The following STK31 variants were observed in gnomAD, a reference collection of about 807,000 sequenced individuals.
STK31 encodes serine/threonine kinase 31.
Under a neutral mutation model 129.7 loss-of-function variants are expected in STK31, and 89 were observed. The observed-to-expected ratio is 0.69, with a 90% CI of 0.58 to 0.82. STK31 has a LOEUF of 0.82. STK31 is among the 40% of genes least tolerant of loss of function. The pLI, the probability that STK31 is intolerant of heterozygous loss-of-function variation, is 0.00. For missense variants in STK31, 1,187 were observed against 1,176.4 expected, an observed-to-expected ratio of 1.01 and a Z score of -0.13; for synonymous variants, 448 against 395.3, an observed-to-expected ratio of 1.13 and a Z score of -1.58.
chr7:23,774,255 T>C (rs1204764347), intron 15 of STK31, among the ~76,000 whole-genome samples: 1 of 152,206 alleles, frequency 6.6e-6, no homozygotes, highest in Non-Finnish European at 1.5e-5. Context: ...TGTGCATGTG[T>C]CTTTATAGTA....
At chr7:23,749,530 TTG>T (rs1562569965) in intron 8 of STK31, among the ~76,000 whole-genome samples, 43 of 147,016 alleles carry the variant, frequency 2.9e-4, no homozygotes, top group Non-Finnish European at 3.6e-4. Flanking sequence ...TTTTTTTTTT[TTG>T]GGGGTAGAGA....
chr7:23,806,782 C>T (rs1265143355), intron 22 of STK31, among the ~76,000 whole-genome samples: 1 of 151,888 alleles, frequency 6.6e-6, no homozygotes, highest in East Asian at 1.9e-4. Context: ...CACCTGTAGT[C>T]CCAGCTACTG....
intron 6 of STK31, among the ~76,000 whole-genome samples, chr7:23,730,659 A>G (rs1030607940): frequency 2.0e-5 from 3 of 151,736 alleles, no homozygotes; most frequent in Non-Finnish European, 2.9e-5. Flanking sequence ...TAACTAGGGA[A>G]GAGCTAGGCC....
intron 8 of STK31, among the ~76,000 whole-genome samples, chr7:23,749,710 A>G (rs1788579894): frequency 6.6e-6 from 1 of 152,008 alleles, no homozygotes; most frequent in African/African-American, 2.4e-5. Flanking sequence ...ATTGGTTTAA[A>G]TATGTCTTTA....
intron 14 of STK31, 122 bp from the exon 15 acceptor site, chr7:23,772,025 T>C: frequency 1.6e-6 from 1 of 606,190 alleles, no homozygotes; most frequent in Non-Finnish European, 2.6e-6. Flanking sequence ...ATAGATTTTC[T>C]TGGTATTTCA....
At chr7:23,710,179 T>G, upstream of STK31, 1 of 1,580,878 alleles carries the variant, frequency 6.3e-7, no homozygotes, top group Admixed American at 1.8e-5. Context: ...CACCGGATGA[T>G]GGCGCAGCGC....
chr7:23,755,313 T>C (rs1789000207), intron 10 of STK31: 1 of 152,256 alleles, frequency 6.6e-6, no homozygotes, highest in African/African-American at 2.4e-5. Flanking sequence ...GAAGTGCCTC[T>C]TCATATCCTT....
At chr7:23,791,569 A>C (rs1419394493) in intron 22 of STK31, among the ~76,000 whole-genome samples, 1 of 152,178 alleles carries the variant, frequency 6.6e-6, no homozygotes, top group African/African-American at 2.4e-5. Context: ...CCCATGACAC[A>C]CTGTTTACCC....
In STK31 at chr7:23,731,301, G is replaced by A. The variant is rs528022205; in HGVS notation, c.483+2052G>A. Reference sequence around the variant, plus strand: ...TTGAATAGCTCTGCTTAGAAAGTCCGTGTTTAGTTATTAATTCTCAGCCCA... The same window carrying A: ...TTGAATAGCTCTGCTTAGAAAGTCCATGTTTAGTTATTAATTCTCAGCCCA... On this transcript the variant is annotated intron_variant, in intron 6 of 23. Coordinates refer to ENST00000355870, the MANE Select transcript of STK31 (RefSeq NM_031414.5). 8.5e-5 allele frequency among the ~76,000 whole-genome samples: 13 copies of A among 152,250 alleles called. No individual in the cohort carries two copies. In the East Asian group the frequency reaches 1.7e-3, roughly 20 times the overall value.
chr7:23,788,071 T>C lies in STK31; in HGVS notation c.2579T>C (p.Val860Ala). 6.2e-7 allele frequency: 1 copy of C among 1,613,344 alleles called. No homozygotes were observed. The highest frequency in any genetic ancestry group is 1.3e-5 in the African/African-American group (1 of 75,008). ...IIHGSLHQNNVFALNREQGIV... is the reference protein window; with the variant it reads ...IIHGSLHQNNAFALNREQGIV... ...CATGGATCACTTCATCAGAACAATG[T>C]ATTTGCTTTAAACCGTGAACAAGGA... Residue 860 changes from valine (V) to alanine (A), a missense_variant, in exon 21 of 24, where the codon GTA becomes GCA. Val to Ala is a moderately conservative substitution (Grantham distance 64). This residue lies in a region of STK31 where 975 missense variants were observed against 934.9 expected (regional missense o/e 1.04). Transcript: ENST00000355870.
At chr7:23,782,590 T>A (rs569172429) in intron 16 of STK31, among the ~76,000 whole-genome samples, 7 of 152,262 alleles carry the variant, frequency 4.6e-5, no homozygotes, top group Admixed American at 3.9e-4. Flanking sequence ...AAATACCTTA[T>A]GGACCTTGGG....
At chr7:23,731,577 C>T (rs936486889) in intron 6 of STK31, among the ~76,000 whole-genome samples, 1 of 152,204 alleles carries the variant, frequency 6.6e-6, no homozygotes, top group Admixed American at 6.5e-5. Flanking sequence ...TCAGTAACAA[C>T]ACAAATACCT....
intron 10 of STK31, among the ~76,000 whole-genome samples, chr7:23,759,832 C>T (rs1238575509): frequency 3.9e-5 from 6 of 152,184 alleles, no homozygotes; most frequent in Admixed American, 6.5e-5. Flanking sequence ...CTAAACATGC[C>T]CCTTGAGGGA....
At chr7:23,829,668 C>G (rs1794424429) in intron 23 of STK31, among the ~76,000 whole-genome samples, 1 of 152,134 alleles carries the variant, frequency 6.6e-6, no homozygotes, top group South Asian at 2.1e-4. Context: ...AGGGAGAATT[C>G]TCGCCTCTTG....
Position 23,735,807 on chromosome 7 carries a change from C to T in STK31, c.753C>T (p.Thr251=). The change falls in exon 7 of 24, where the codon ACC becomes ACT. Residue 251 remains threonine (T), a synonymous_variant. Coordinates refer to ENST00000355870, the MANE Select transcript of STK31 (RefSeq NM_031414.5). ...PLWGHRSNQS[T]FSRPKGHLSE... ...GGGGGCATAGATCAAACCAGTCAACCTTCAGCAGGCCCAAGGGGCACTTAA... is the reference window on the plus strand; with the variant it reads ...GGGGGCATAGATCAAACCAGTCAACTTTCAGCAGGCCCAAGGGGCACTTAA... The T allele has an allele frequency of 6.2e-7, 1 of 1,614,116 alleles. No individual in the cohort carries two copies. Among genetic ancestry groups the T allele is most frequent in the African/African-American group, 1.3e-5 (1 of 75,038 alleles).
At position 23,762,939 on chromosome 7, in the gene STK31, A is replaced by T; in HGVS notation, c.1416+16A>T. On this transcript the variant is annotated intron_variant, in intron 11 of 23. Coordinates refer to ENST00000355870, the MANE Select transcript of STK31 (RefSeq NM_031414.5). ...AACATTGCAGGTTGGAATTAAAAAT[A>T]TATTAAATATACGTTAAATTGTAAG... 6.5e-7 allele frequency: 1 copy of T among 1,528,868 alleles called. No individual in the cohort carries two copies. The highest frequency in any genetic ancestry group is 8.8e-7 in the Non-Finnish European group (1 of 1,138,074). The allele number at this position is 1,528,868 out of a possible 1,614,324, so 94.7% of individuals were successfully genotyped here.
At chr7:23,757,641 C>T (rs564412106) in intron 10 of STK31, among the ~76,000 whole-genome samples, 31 of 151,994 alleles carry the variant, frequency 2.0e-4, no homozygotes, top group Non-Finnish European at 3.5e-4. Flanking sequence ...AACATACAAT[C>T]GGGTTTTACA....
At chr7:23,783,536 G>T in intron 16 of STK31, 47 bp from the exon 17 acceptor site, 1 of 1,381,276 alleles carries the variant, frequency 7.2e-7, no homozygotes, top group South Asian at 1.3e-5. Flanking sequence ...TGTCAAAATT[G>T]AATATATATT....
At chr7:23,735,933 T>C in intron 7 of STK31, 37 bp downstream of exon 7, 1 of 1,477,826 alleles carries the variant, frequency 6.8e-7, no homozygotes, top group Non-Finnish European at 9.1e-7. Context: ...TAATTGATGG[T>C]AGAGGTCCCT....
Sources: allele counts gnomAD v4.1 joint callset (sites outside exome capture counted in the v4.1 genomes callset), GRCh38; gene constraint gnomAD v4.1.1; regional missense constraint gnomAD v4.1.1; transcripts MANE v1.5; gene names NCBI Gene and HGNC (gene_info 2026-07-23, HGNC 2026-07-21).